PSG8: variants seen among roughly 807,000 people sequenced by gnomAD.
PSG8 encodes pregnancy-specific beta-1-glycoprotein 8.
A neutral mutation model predicts 42.5 loss-of-function variants in PSG8; 57 were observed. That is an observed-to-expected ratio of 1.34 (90% confidence interval 1.08 to 1.67). The LOEUF (loss-of-function observed/expected upper bound fraction) is 1.67. Ranked by LOEUF, PSG8 falls within the 40% of genes most tolerant of loss-of-function variation. The pLI is 0.00. For missense variants in PSG8, 783 were observed against 518.6 expected (o/e 1.51, Z -4.95); for synonymous variants, 280 against 196.8 (o/e 1.42, Z -3.54).
At chr19:42,753,479 C>T (rs1412049873), downstream of PSG8, 23 of 721,526 alleles carry the variant, frequency 3.2e-5, no homozygotes, top group South Asian at 3.0e-4. Context: ...TCTCTATGGG[C>T]ATCTCTAGTT....
intron 2 of PSG8, among the ~76,000 whole-genome samples, chr19:42,759,742 G>T (rs1374457117): frequency 6.6e-6 from 1 of 152,096 alleles, no homozygotes; most frequent in Admixed American, 6.5e-5. Context: ...ATATTTGGAG[G>T]AAACATTAAA....
rs767582675 is a variant in PSG8, at chr19:42,763,882, C to A, written c.430+34G>T. The A allele has an allele frequency of 1.9e-6, 3 of 1,613,340 alleles. No individual in the cohort carries two copies. In the East Asian group the frequency reaches 6.7e-5, roughly 36 times the overall value. On this transcript the variant is annotated intron_variant, in intron 2 of 4. Coordinates refer to ENST00000306511, the MANE Select transcript of PSG8 (RefSeq NM_182707.3). ...GTGTGAAGTAGAAGTGACCCCTGTCCCCCAACACCCAGGGATCATGTGGAA... is the reference window on the plus strand; with the variant it reads ...GTGTGAAGTAGAAGTGACCCCTGTCACCCAACACCCAGGGATCATGTGGAA...
At position 42,754,251 on chromosome 19, in the gene PSG8, A is replaced by C; in HGVS notation, c.*44T>G. ...GCCCATGGGACGCAGGCTGGGAATA[A>C]AAATGTTTTCCTGACTCTTCCCTGA... is the stretch of plus-strand genomic sequence containing the variant. On this transcript the variant is annotated 3_prime_UTR_variant, in exon 5 of 5. Transcript: ENST00000306511. 1 of 1,602,272 alleles carries C rather than the reference A, an allele frequency of 6.2e-7. No homozygotes were observed. The highest frequency in any genetic ancestry group is 8.5e-7 in the Non-Finnish European group (1 of 1,174,320).
chr19:42,754,569 C>G lies in PSG8; in HGVS notation c.1007G>C (p.Arg336Thr). ...LNVLYGPDLPRIYPSFTYYRS... is the reference protein window; with the variant it reads ...LNVLYGPDLPTIYPSFTYYRS... Reference sequence around the variant, plus strand: ...GTAATAGGTGAATGAAGGGTAAATTCTGGGGAGGTCTGGACCATCTGGAGC... The same window carrying G: ...GTAATAGGTGAATGAAGGGTAAATTGTGGGGAGGTCTGGACCATCTGGAGC... Residue 336 changes from arginine (R) to threonine (T), a missense_variant, in exon 5 of 5, where the codon AGA (arginine) becomes ACA (threonine). Coordinates refer to ENST00000306511, the MANE Select transcript of PSG8 (RefSeq NM_182707.3). 1 of 1,613,246 alleles carries G rather than the reference C, an allele frequency of 6.2e-7. No homozygotes were observed. Among genetic ancestry groups the G allele is most frequent in the South Asian group, 1.1e-5 (1 of 91,046 alleles).
intron 4 of PSG8, 61 bp from the exon 5 acceptor site, chr19:42,754,648 C>T (rs1054911121): frequency 3.2e-6 from 5 of 1,547,564 alleles, no homozygotes; most frequent in Non-Finnish European, 3.5e-6. Context: ...TGTTCCTGGT[C>T]TCTTAAAGGG....
chr19:42,755,367 C>T lies in PSG8; in HGVS notation c.710-101G>A, dbSNP rs146454279. 2,479 of 1,554,092 alleles carry T rather than the reference C, an allele frequency of 1.6e-3. 44 individuals are homozygous for T. In the African/African-American group the frequency reaches 0.031, roughly 19 times the overall value. Reference sequence around the variant, plus strand: ...GGCATCTCCCACTTCTCAGCCCACCCGAGTCCTTGAAAGCCAATAGCTGGT... The same window carrying T: ...GGCATCTCCCACTTCTCAGCCCACCTGAGTCCTTGAAAGCCAATAGCTGGT... On this transcript the variant is annotated intron_variant, in intron 3 of 4. Transcript: ENST00000306511.
chr19:42,753,982 A>C (rs1323348133), downstream of PSG8: 1 of 652,462 alleles, frequency 1.5e-6, no homozygotes, highest in Non-Finnish European at 2.7e-6. Flanking sequence ...TATAAGCTAC[A>C]GATAGGTTAA....
chr19:42,758,224 C>T lies in PSG8; in HGVS notation c.487G>A (p.Glu163Lys), dbSNP rs535298341. 13 of 1,613,936 alleles carry T rather than the reference C, an allele frequency of 8.1e-6. No individual in the cohort carries two copies. Among genetic ancestry groups the T allele is most frequent in the Non-Finnish European group, 1.1e-5 (13 of 1,179,976 alleles). ...SSKLNPREAM[E>K]AVSLTCDPET... Reference sequence around the variant, plus strand: ...GGATCACAGGTTAAGCTCACAGCCTCCATGGCCTCCCTGGGGTTTAATTTG... The same window carrying T: ...GGATCACAGGTTAAGCTCACAGCCTTCATGGCCTCCCTGGGGTTTAATTTG... The change falls in exon 3 of 5, where the codon GAG becomes AAG. Residue 163 changes from glutamate to lysine, a missense_variant. Physicochemically the swap from Glu to Lys is moderately conservative, Grantham distance 56. Transcript: ENST00000306511.
At position 42,755,497 on chromosome 19, in the gene PSG8, A is replaced by G. The variant is rs1969901882; in HGVS notation, c.710-231T>C. Reference sequence around the variant, plus strand: ...AGACTTTCTCAAGTGTCAATTGAGCAGCAGTGTTGGGTCATGGACAGACAC... The same window carrying G: ...AGACTTTCTCAAGTGTCAATTGAGCGGCAGTGTTGGGTCATGGACAGACAC... On this transcript the variant is annotated intron_variant, in intron 3 of 4. Coordinates refer to ENST00000306511, the MANE Select transcript of PSG8 (RefSeq NM_182707.3). 4.3e-6 allele frequency: 4 copies of G among 936,546 alleles called. No individual in the cohort carries two copies. The South Asian group carries it at 5.4e-5, about 13-fold the overall frequency. 58.0% of individuals were successfully genotyped at this position (936,546 alleles called of 1,614,324 possible). A position where few individuals can be genotyped will look rare whatever the true frequency, so the allele number is the denominator to read the frequency against.
At chr19:42,762,046 A>T (rs1023652405) in intron 2 of PSG8, among the ~76,000 whole-genome samples, 1 of 151,880 alleles carries the variant, frequency 6.6e-6, no homozygotes, top group Non-Finnish European at 1.5e-5. Context: ...TGGCAACTCC[A>T]GGTGATTTCT....
intron 3 of PSG8, among the ~76,000 whole-genome samples, chr19:42,756,800 T>G (rs1969938330): frequency 6.6e-6 from 1 of 151,970 alleles, no homozygotes; most frequent in Non-Finnish European, 1.5e-5. Flanking sequence ...TTTTTCTCAG[T>G]GTATCTGTTG....
At chr19:42,765,387 C>A in intron 1 of PSG8, 131 bp downstream of exon 1, 1 of 1,418,652 alleles carries the variant, frequency 7.0e-7, no homozygotes, top group Non-Finnish European at 9.6e-7. Context: ...CTCCTGATCT[C>A]ATGATCCACC....
chr19:42,760,012 G>A (rs534159057), intron 2 of PSG8, among the ~76,000 whole-genome samples: 5 of 152,284 alleles, frequency 3.3e-5, no homozygotes, highest in African/African-American at 1.2e-4. Context: ...AAGAAGTGAT[G>A]TGTGTTATGT....
At chr19:42,758,484 G>T (rs569642275) in intron 2 of PSG8, 4 of 1,157,192 alleles carry the variant, frequency 3.5e-6, no homozygotes, top group Non-Finnish European at 4.7e-6. Flanking sequence ...TAGAAACACA[G>T]ACTTTCTCAA....
chr19:42,759,187 G>C (rs961389803), intron 2 of PSG8, among the ~76,000 whole-genome samples: 55 of 152,170 alleles, frequency 3.6e-4, no homozygotes, highest in African/African-American at 1.3e-3. Context: ...ACCAATATTT[G>C]GGAAGAAGCC....
In PSG8 at chr19:42,755,032, T is replaced by C. The variant is rs11879884; in HGVS notation, c.944A>G (p.Gln315Arg). Reference protein sequence around the residue: ...TGPYQCEIRDQYGGIRSYPVT... With the variant: ...TGPYQCEIRDRYGGIRSYPVT... ...TGGGTAACTGCGGATGCCACCATAT[T>C]GGTCCCTTATTTCACATTGATAGGG... Residue 315 changes from glutamine to arginine, a missense_variant, in exon 4 of 5, where the codon CAA becomes CGA. By Grantham distance (43) the Gln-to-Arg change is conservative (BLOSUM62 1). Coordinates refer to ENST00000306511, the MANE Select transcript of PSG8 (RefSeq NM_182707.3). 2.5e-4 allele frequency: 400 copies of C among 1,613,070 alleles called. 5 individuals carry two copies. The highest frequency in any genetic ancestry group is 7.9e-4 in the African/African-American group (59 of 74,864).
chr19:42,760,613 C>G (rs1307101481), intron 2 of PSG8, among the ~76,000 whole-genome samples: 1 of 151,884 alleles, frequency 6.6e-6, no homozygotes, highest in Non-Finnish European at 1.5e-5. Context: ...GACAGAGTCT[C>G]ACTCTGTCAC....
At chr19:42,753,161 G>C, downstream of PSG8, 1 of 714,140 alleles carries the variant, frequency 1.4e-6, no homozygotes. Flanking sequence ...TTGTTGTCCT[G>C]GTTTACAGTT....
At chr19:42,762,654 T>A (rs918632801) in intron 2 of PSG8, among the ~76,000 whole-genome samples, 3 of 151,890 alleles carry the variant, frequency 2.0e-5, no homozygotes, top group South Asian at 2.1e-4. Flanking sequence ...GACAGTGACA[T>A]GGACACTTTG....
Sources: allele counts gnomAD v4.1 joint callset (sites outside exome capture counted in the v4.1 genomes callset), GRCh38; gene constraint gnomAD v4.1.1; transcripts MANE v1.5; gene names NCBI Gene and HGNC (gene_info 2026-07-23, HGNC 2026-07-21).